Variants in LRIG1 observed in about 807,000 individuals in gnomAD.
The protein encoded by LRIG1 is leucine rich repeats and immunoglobulin like domains 1.
LRIG1 carries 48 observed loss-of-function variants against 99.2 expected under a neutral mutation model. That is an observed-to-expected ratio of 0.48 (90% CI 0.38 to 0.62). The LOEUF is 0.62. Among genes scored for constraint, LRIG1 ranks in the 20% least tolerant of loss-of-function variants. LRIG1 has a pLI of 0.00. For synonymous variants in LRIG1, 772 were observed against 596.1 expected (o/e 1.29, Z -4.30); for missense variants, 1,646 against 1,434.4 (o/e 1.15, Z -2.38).
In LRIG1 at chr3:66,392,005, C is replaced by A. The variant is rs150324939; in HGVS notation, c.1468+2035G>T. On this transcript the variant is annotated intron_variant, in intron 12 of 18. Coordinates refer to ENST00000273261, the MANE Select transcript of LRIG1 (RefSeq NM_015541.3). ...TAAACTACTACTAACCTAATCTCTA[C>A]CTCCACAGATTTCCCCATTCTGGAC... 3.1e-3 allele frequency among the ~76,000 whole-genome samples: 468 copies of A among 152,306 alleles called. 3 individuals carry two copies. Among genetic ancestry groups the A allele is most frequent in the African/African-American group, 0.011 (450 of 41,574 alleles).
At chr3:66,463,979 T>TTA in intron 1 of LRIG1, among the ~76,000 whole-genome samples, 1 of 152,234 alleles carries the variant, frequency 6.6e-6, no homozygotes. Flanking sequence ...AAGGTGGTAA[T>TTA]GCTTTAAACC....
chr3:66,431,517 G>A (rs1253093058), intron 3 of LRIG1, among the ~76,000 whole-genome samples: 1 of 152,154 alleles, frequency 6.6e-6, no homozygotes, highest in Non-Finnish European at 1.5e-5. Flanking sequence ...GGGAAGTCCC[G>A]AGCCCAGGGG....
chr3:66,473,949 T>C (rs1448034111), intron 1 of LRIG1, among the ~76,000 whole-genome samples: 1 of 152,200 alleles, frequency 6.6e-6, no homozygotes, highest in African/African-American at 2.4e-5. Flanking sequence ...TACTAAGACG[T>C]CGTGAAACAC....
intron 2 of LRIG1, among the ~76,000 whole-genome samples, chr3:66,461,327 A>AC (rs1432984692): frequency 2.6e-5 from 4 of 152,272 alleles, no homozygotes; most frequent in Non-Finnish European, 5.9e-5. Flanking sequence ...AAACAAACAA[A>AC]AAACAACAAA....
Position 66,451,560 on chromosome 3 carries a change from G to A in LRIG1, c.364C>T (p.Leu122=). Residue 122 remains leucine, a splice_region_variant and synonymous_variant, in exon 3 of 19, where the codon CTG becomes TTG. Transcript: ENST00000273261. ...AGTCCCCCAAACGGCACCACTTACA[G>A]AAAGAGAGAGACGACATGTGATGAA... is the stretch of plus-strand genomic sequence containing the variant. ...AASSHVVSLF[L]QHNKIRSVEG... The A allele has an allele frequency of 1.9e-6, 3 of 1,614,004 alleles. No individual in the cohort carries two copies. Among genetic ancestry groups the A allele is most frequent in the Non-Finnish European group, 2.5e-6 (3 of 1,179,940 alleles).
chr3:66,440,151 T>C (rs961498576), intron 3 of LRIG1, among the ~76,000 whole-genome samples: 1 of 152,144 alleles, frequency 6.6e-6, no homozygotes, highest in Non-Finnish European at 1.5e-5. Flanking sequence ...ATTAAAGCTT[T>C]TGGCTGCACA....
intron 12 of LRIG1, among the ~76,000 whole-genome samples, chr3:66,389,230 C>T (rs544628764): frequency 2.1e-4 from 32 of 151,890 alleles, no homozygotes; most frequent in Admixed American, 1.2e-3. Flanking sequence ...AAAAAATACC[C>T]GTGTATTTAA....
rs1403626 is a variant in LRIG1, at chr3:66,500,338, G to C, written c.70C>G (p.Leu24Val). 1,408,055 of 1,495,944 alleles carry C rather than the reference G, an allele frequency of 0.94. 680,117 individuals carry two copies. The highest frequency in any genetic ancestry group is 0.99 in the Non-Finnish European group (1,117,434 of 1,129,934). 92.7% of individuals were successfully genotyped at this position (1,495,944 alleles called of 1,614,324 possible). Residue 24 changes from leucine to valine, a missense_variant, in exon 1 of 19, where the codon CTT (leucine) becomes GTT (valine). Leu to Val is a conservative substitution (Grantham distance 32). Coordinates refer to ENST00000273261, the MANE Select transcript of LRIG1 (RefSeq NM_015541.3). ...GTCACCGGCTCCAGCCGAAGCAAAAGCAGCCAGAGAAGGAGAAGGCAAGGC... is the reference window on the plus strand; with the variant it reads ...GTCACCGGCTCCAGCCGAAGCAAAACCAGCCAGAGAAGGAGAAGGCAAGGC... ...RSPCLLLLWLLLLRLEPVTAA... is the reference protein window; with the variant it reads ...RSPCLLLLWLVLLRLEPVTAA...
intron 2 of LRIG1, among the ~76,000 whole-genome samples, chr3:66,458,119 T>C (rs550781862): frequency 6.6e-5 from 10 of 152,366 alleles, no homozygotes; most frequent in Non-Finnish European, 1.2e-4. Flanking sequence ...AAACTCCTTT[T>C]ATTTTTATTA....
intron 3 of LRIG1, among the ~76,000 whole-genome samples, chr3:66,437,282 G>A (rs116148075): frequency 1.3e-5 from 2 of 152,216 alleles, no homozygotes; most frequent in Non-Finnish European, 2.9e-5. Context: ...CTGTGGTAAG[G>A]TAAGAGCAAT....
intron 2 of LRIG1, among the ~76,000 whole-genome samples, chr3:66,461,690 A>G (rs1360122618): frequency 6.6e-6 from 1 of 152,202 alleles, no homozygotes; most frequent in Admixed American, 6.5e-5. Context: ...TTTCTACAAT[A>G]TGTATACTAC....
intron 16 of LRIG1, among the ~76,000 whole-genome samples, chr3:66,381,851 C>G (rs559328660): frequency 6.6e-6 from 1 of 152,198 alleles, no homozygotes; most frequent in Non-Finnish European, 1.5e-5. Context: ...TGAGCCTCTA[C>G]AGTCTCAGGC....
chr3:66,450,997 C>G (rs763544003), intron 3 of LRIG1, among the ~76,000 whole-genome samples: 13 of 152,194 alleles, frequency 8.5e-5, no homozygotes, highest in Non-Finnish European at 1.5e-4. Flanking sequence ...CAATGGGTGC[C>G]TTCATGTCTT....
chr3:66,385,844 A>T (rs1288842672), intron 13 of LRIG1, 137 bp downstream of exon 13: 2 of 809,476 alleles, frequency 2.5e-6, no homozygotes, highest in Non-Finnish European at 3.9e-6. Flanking sequence ...AAACCCAGGC[A>T]ACAATAGGAT....
intron 4 of LRIG1, among the ~76,000 whole-genome samples, chr3:66,415,664 T>C (rs1702597071): frequency 6.6e-6 from 1 of 152,274 alleles, no homozygotes; most frequent in East Asian, 1.9e-4. Context: ...TACCTACACT[T>C]ACAGCGTGAT....
At chr3:66,408,300 G>A (rs886617672) in intron 7 of LRIG1, among the ~76,000 whole-genome samples, 3 of 152,128 alleles carry the variant, frequency 2.0e-5, no homozygotes, top group African/African-American at 7.2e-5. Context: ...AATAAGTCAG[G>A]GTGTCTGTCA....
intron 3 of LRIG1, among the ~76,000 whole-genome samples, chr3:66,421,815 C>T (rs1039275028): frequency 4.6e-5 from 7 of 152,246 alleles, no homozygotes; most frequent in Non-Finnish European, 8.8e-5. Flanking sequence ...AGCAGAGGTT[C>T]TTCATGAGGG....
rs748874692 is a variant in LRIG1, at chr3:66,383,982, T to A, written c.2071+9A>T. 2.6e-6 allele frequency: 4 copies of A among 1,562,220 alleles called. No homozygotes were observed. The highest frequency in any genetic ancestry group is 1.6e-5 in the African/African-American group (1 of 61,356). ...CACACACACACACACAGTAGAGCAA[T>A]AGGCAAACCTAGGACAGTCAGGGTG... is the stretch of plus-strand genomic sequence containing the variant. On this transcript the variant is annotated intron_variant, in intron 14 of 18. Coordinates refer to ENST00000273261, the MANE Select transcript of LRIG1 (RefSeq NM_015541.3).
intron 9 of LRIG1, chr3:66,404,555 C>T (rs9840896): frequency 0.015 from 7,466 of 488,496 alleles, 510 homozygotes; most frequent in African/African-American, 0.14. Context: ...ACTTGCCAGC[C>T]GTGTAGTTTT....
Sources: allele counts gnomAD v4.1 joint callset (sites outside exome capture counted in the v4.1 genomes callset), GRCh38; gene constraint gnomAD v4.1.1; transcripts MANE v1.5; gene names NCBI Gene and HGNC (gene_info 2026-07-23, HGNC 2026-07-21).